SETDB1: variants seen among roughly 807,000 people sequenced by gnomAD.
SETDB1 encodes the protein SET domain bifurcated histone lysine methyltransferase 1.
Under a neutral mutation model 137.4 loss-of-function variants are expected in SETDB1, and 31 were observed. The observed-to-expected ratio is 0.23, with a 90% CI of 0.17 to 0.30. SETDB1 has a LOEUF of 0.30. SETDB1 is among the 10% of genes least tolerant of loss of function. SETDB1 has a pLI of 1.00. For missense variants in SETDB1, 1,113 were observed against 1,631.5 expected, an observed-to-expected ratio of 0.68 and a Z score of 5.47; for synonymous variants, 548 against 579.9, an observed-to-expected ratio of 0.95 and a Z score of 0.79.
intron 5 of SETDB1, among the ~76,000 whole-genome samples, chr1:150,941,848 A>G (rs1304077392): frequency 6.6e-6 from 1 of 152,118 alleles, no homozygotes; most frequent in Non-Finnish European, 1.5e-5. Flanking sequence ...ATGTTTAAAA[A>G]TTCTCCAGAT....
chr1:150,950,036 C>T (rs12059949), intron 12 of SETDB1, among the ~76,000 whole-genome samples: 53,469 of 151,712 alleles, frequency 0.35, 9,747 homozygotes, highest in South Asian at 0.51. Context: ...GAGTTCGAGA[C>T]CAGCCTGGCC....
At chr1:150,953,269 A>G (rs892647286) in intron 14 of SETDB1, among the ~76,000 whole-genome samples, 3 of 152,210 alleles carry the variant, frequency 2.0e-5, no homozygotes, top group Non-Finnish European at 4.4e-5. Context: ...TCACGCCTGT[A>G]ATCCCAGCAC....
chr1:150,963,429 C>A, intron 19 of SETDB1, 101 bp from the exon 20 acceptor site: 1 of 1,026,472 alleles, frequency 9.7e-7, no homozygotes, highest in Non-Finnish European at 1.4e-6. Context: ...TGTTTCTCAG[C>A]TGCAATGTTG....
chr1:150,947,238 G>C (rs1218370023), intron 10 of SETDB1, among the ~76,000 whole-genome samples: 4 of 152,134 alleles, frequency 2.6e-5, no homozygotes, highest in Admixed American at 2.6e-4. Flanking sequence ...GAAACAGTTG[G>C]CTTTAGGTTA....
Position 150,963,637 on chromosome 1 carries a change from G to A in SETDB1, c.3568G>A (p.Glu1190Lys). 1 of 1,614,142 alleles carries A rather than the reference G, an allele frequency of 6.2e-7. No individual in the cohort carries two copies. Among genetic ancestry groups the A allele is most frequent in the Non-Finnish European group, 8.5e-7 (1 of 1,180,024 alleles). The change falls in exon 20 of 22, where the codon GAG (glutamate) becomes AAG (lysine). Residue 1190 changes from glutamate (E) to lysine (K), a missense_variant. Glu to Lys is a moderately conservative substitution (Grantham distance 56, BLOSUM62 1). This residue lies in a region of SETDB1 where 373 missense variants were observed against 412.7 expected (regional missense o/e 0.90). Coordinates refer to ENST00000692827, the MANE Select transcript of SETDB1 (RefSeq NM_001366418.1). ...CAACATGGCCTCTGTGGACAAGGGGGAGAGCGCACCTGTTCGTAAGAACAC... is the reference window on the plus strand; with the variant it reads ...CAACATGGCCTCTGTGGACAAGGGGAAGAGCGCACCTGTTCGTAAGAACAC... Reference protein sequence around the residue: ...STNMASVDKGESAPVRKNTRQ... With the variant: ...STNMASVDKGKSAPVRKNTRQ...
rs757024535 is a variant in SETDB1 at position 150,949,271 on chromosome 1, G to T, written c.1417G>T (p.Asp473Tyr). ...TCCACCTCTATCCCCCCAAGCAGGT[G>T]ACAGTGAGTGAGTGTTATTCTTTCT... ...PAPPLSPQAG[D>Y]SESLESQLAQ... is the part of the protein sequence containing the mutation. The change falls in exon 11 of 22, where the codon GAC (aspartate) becomes TAC (tyrosine). Residue 473 changes from aspartate (D) to tyrosine (Y), a missense_variant. This residue lies in a region of SETDB1 where 192 missense variants were observed against 198.1 expected (regional missense o/e 0.97). Transcript: ENST00000692827. 5 of 1,613,620 alleles carry T rather than the reference G, an allele frequency of 3.1e-6. No homozygotes were observed. In the African/African-American group the frequency reaches 6.7e-5, roughly 22 times the overall value.
chr1:150,938,743 A>G (rs1457599185), intron 3 of SETDB1, among the ~76,000 whole-genome samples: 1 of 151,522 alleles, frequency 6.6e-6, no homozygotes, highest in Non-Finnish European at 1.5e-5. Context: ...ACCTCAGGTG[A>G]TCTGCCCACC....
intron 14 of SETDB1, among the ~76,000 whole-genome samples, chr1:150,953,417 T>C (rs587669397): frequency 4.0e-5 from 6 of 151,448 alleles, no homozygotes; most frequent in South Asian, 2.1e-4. Context: ...TCCCAGCTAC[T>C]TGGGAGGCTG....
chr1:150,939,293 G>T (rs1670056243), intron 3 of SETDB1, among the ~76,000 whole-genome samples: 1 of 124,666 alleles, frequency 8.0e-6, no homozygotes, highest in Non-Finnish European at 1.6e-5. Context: ...GGGTTTTGCT[G>T]TGTTGTTCAG....
chr1:150,931,157 G>A (rs1373635743), intron 3 of SETDB1, among the ~76,000 whole-genome samples: 1 of 150,944 alleles, frequency 6.6e-6, no homozygotes, highest in Non-Finnish European at 1.5e-5. Context: ...CTACTTGGGA[G>A]GCTGAGGTGG....
chr1:150,961,911 T>G (rs1317644432), intron 16 of SETDB1: 2 of 631,716 alleles, frequency 3.2e-6, no homozygotes, highest in African/African-American at 3.6e-5. Context: ...CGTGGTGTTT[T>G]CCATGAGCAT....
chr1:150,953,645 A>C (rs1268728500), intron 14 of SETDB1, among the ~76,000 whole-genome samples: 1 of 152,234 alleles, frequency 6.6e-6, no homozygotes, highest in East Asian at 1.9e-4. Flanking sequence ...CCTGGCCAAC[A>C]TGGTGAAACC....
At chr1:150,946,424 G>A (rs1276206852) in intron 9 of SETDB1, among the ~76,000 whole-genome samples, 1 of 151,826 alleles carries the variant, frequency 6.6e-6, no homozygotes, top group African/African-American at 2.4e-5. Flanking sequence ...CATGGATCCT[G>A]GCACATACTT....
At position 150,964,629 on chromosome 1, in the gene SETDB1, C is replaced by T. The variant is rs933026573; in HGVS notation, c.*265C>T. On this transcript the variant is annotated 3_prime_UTR_variant, in exon 22 of 22. Transcript: ENST00000692827. ...ACATCCCTCCCATCCCATATTTGTC[C>T]AAGTGTTCCTGCTTCTAACAGACTT... is the stretch of plus-strand genomic sequence containing the variant. The T allele has an allele frequency of 1.6e-6, 1 of 631,990 alleles. No homozygotes were observed. The highest frequency in any genetic ancestry group is 1.8e-5 in the African/African-American group (1 of 54,980). 39.1% of individuals were successfully genotyped at this position (631,990 alleles called of 1,614,324 possible).
At chr1:150,938,790 C>T (rs1341157325) in intron 3 of SETDB1, among the ~76,000 whole-genome samples, 1 of 151,500 alleles carries the variant, frequency 6.6e-6, no homozygotes, top group Non-Finnish European at 1.5e-5. Flanking sequence ...AGGCTTGAGC[C>T]ACCACCATCG....
chr1:150,934,180 A>T (rs1478414649), intron 3 of SETDB1, among the ~76,000 whole-genome samples: 1 of 152,118 alleles, frequency 6.6e-6, no homozygotes, highest in Admixed American at 6.6e-5. Flanking sequence ...TGGTAAAAAT[A>T]CAGCCATTTT....
chr1:150,952,320 T>A (rs1670512705), intron 14 of SETDB1, among the ~76,000 whole-genome samples: 2 of 151,982 alleles, frequency 1.3e-5, no homozygotes, highest in Non-Finnish European at 2.9e-5. Flanking sequence ...GTTATAGGAG[T>A]ACAGCAGAGA....
chr1:150,945,125 C>A lies in SETDB1; in HGVS notation c.1140+17C>A. 6.2e-7 allele frequency: 1 copy of A among 1,613,854 alleles called. No homozygotes were observed. The highest frequency in any genetic ancestry group is 1.7e-5 in the Admixed American group (1 of 59,972). On this transcript the variant is annotated intron_variant, in intron 9 of 21. Transcript: ENST00000692827. ...CTCTTCCTGGTACTGTTCTTCTCTA[C>A]AATTTTGGAGGCAGAGGTTGGTGGG... is the stretch of plus-strand genomic sequence containing the variant.
intron 16 of SETDB1, chr1:150,961,419 G>A (rs587745667): frequency 7.6e-5 from 37 of 488,406 alleles, no homozygotes; most frequent in South Asian, 3.4e-4. Context: ...TTGGGAGGCC[G>A]AGGCAGGTGG....
Sources: allele counts gnomAD v4.1 joint callset (sites outside exome capture counted in the v4.1 genomes callset), GRCh38; gene constraint gnomAD v4.1.1; regional missense constraint gnomAD v4.1.1; transcripts MANE v1.5; gene names NCBI Gene and HGNC (gene_info 2026-07-23, HGNC 2026-07-21).